CHRM3: variants seen among roughly 807,000 people sequenced by gnomAD.
The protein encoded by CHRM3 is cholinergic receptor muscarinic 3, also known as muscarinic acetylcholine receptor M3.
CHRM3 carries 11 observed loss-of-function variants against 41.8 expected under a neutral mutation model. The ratio of observed to expected loss-of-function variants is 0.26; its 90% confidence interval spans 0.17 to 0.44. The LOEUF (loss-of-function observed/expected upper bound fraction) is 0.44. Ranked by LOEUF, CHRM3 falls within the 20% of genes least tolerant of loss-of-function variation. The probability of loss-of-function intolerance (pLI) is 1.00; values close to 1 mark genes in which losing one functional copy is unlikely to be tolerated. For synonymous variants in CHRM3, 297 were observed against 301.4 expected (o/e 0.99, Z 0.15); for missense variants, 571 against 745.4 (o/e 0.77, Z 2.72).
intron 4 of CHRM3, among the ~76,000 whole-genome samples, chr1:239,643,764 C>T (rs981648713): frequency 2.2e-4 from 34 of 152,188 alleles, no homozygotes; most frequent in African/African-American, 7.7e-4. Flanking sequence ...ATGCACGGTG[C>T]GCTGCACCCA....
At chr1:239,608,532 T>C (rs955863190) in intron 3 of CHRM3, among the ~76,000 whole-genome samples, 2 of 152,208 alleles carry the variant, frequency 1.3e-5, no homozygotes, top group African/African-American at 2.4e-5. Flanking sequence ...ATGAGTACTT[T>C]TACATAGAAG....
intron 4 of CHRM3, among the ~76,000 whole-genome samples, chr1:239,662,693 T>C (rs984508090): frequency 1.3e-5 from 2 of 152,120 alleles, no homozygotes; most frequent in Admixed American, 6.5e-5. Context: ...TTTTCTGCAA[T>C]GGATATTAAT....
chr1:239,443,458 T>C (rs1167928669), intron 1 of CHRM3, among the ~76,000 whole-genome samples: 1 of 152,148 alleles, frequency 6.6e-6, no homozygotes, highest in Admixed American at 6.5e-5. Context: ...AAAAAAAACT[T>C]CCAGTAACCT....
At chr1:239,871,789 C>A (rs909893721) in intron 6 of CHRM3, among the ~76,000 whole-genome samples, 1 of 152,248 alleles carries the variant, frequency 6.6e-6, no homozygotes, top group African/African-American at 2.4e-5. Flanking sequence ...TGATAAAAAT[C>A]TCTTAACCTG....
At chr1:239,631,778 C>T (rs956083457) in intron 3 of CHRM3, among the ~76,000 whole-genome samples, 2 of 152,098 alleles carry the variant, frequency 1.3e-5, no homozygotes, top group African/African-American at 4.8e-5. Flanking sequence ...GTGTATATTT[C>T]GAATAGTGTC....
At chr1:239,745,897 T>G (rs552743588) in intron 5 of CHRM3, among the ~76,000 whole-genome samples, 78 of 152,306 alleles carry the variant, frequency 5.1e-4, no homozygotes, top group African/African-American at 1.8e-3. Context: ...TTGACAACTT[T>G]CCTTCTAAAA....
At chr1:239,629,257 C>T (rs1669478521) in intron 3 of CHRM3, 1 of 133,956 alleles carries the variant, frequency 7.5e-6, no homozygotes, top group African/African-American at 2.9e-5. Context: ...TGGGAGTGAC[C>T]CGATTTTCCA....
At chr1:239,567,323 A>T (rs1009178152) in intron 3 of CHRM3, among the ~76,000 whole-genome samples, 1 of 151,058 alleles carries the variant, frequency 6.6e-6, no homozygotes. Flanking sequence ...AAAAAAGCAC[A>T]AATCCAAACA....
At chr1:239,760,380 GA>G (rs111837294) in intron 5 of CHRM3, among the ~76,000 whole-genome samples, 8 of 150,348 alleles carry the variant, frequency 5.3e-5, no homozygotes, top group South Asian at 2.1e-4. Context: ...TACTTTGCCT[GA>G]AAAAAAAATA....
At chr1:239,591,287 C>T (rs974789097) in intron 3 of CHRM3, among the ~76,000 whole-genome samples, 1 of 152,122 alleles carries the variant, frequency 6.6e-6, no homozygotes, top group Non-Finnish European at 1.5e-5. Context: ...GCTTCCATTA[C>T]TAGTGTTGGT....
At chr1:239,679,710 T>C (rs557522009) in intron 5 of CHRM3, among the ~76,000 whole-genome samples, 1 of 152,224 alleles carries the variant, frequency 6.6e-6, no homozygotes, top group African/African-American at 2.4e-5. Flanking sequence ...TCCACCTTAG[T>C]TCGTTTATTT....
chr1:239,478,860 C>T (rs1404010807), intron 1 of CHRM3, among the ~76,000 whole-genome samples: 2 of 152,196 alleles, frequency 1.3e-5, no homozygotes, highest in East Asian at 3.9e-4. Context: ...ATTTGAATAA[C>T]TGATGGCCTA....
At chr1:239,709,555 A>G (rs989281789) in intron 5 of CHRM3, among the ~76,000 whole-genome samples, 4 of 152,286 alleles carry the variant, frequency 2.6e-5, no homozygotes, top group Non-Finnish European at 5.9e-5. Flanking sequence ...CCTGTGTGGC[A>G]GGGGTTCCAT....
intron 3 of CHRM3, among the ~76,000 whole-genome samples, chr1:239,614,554 T>C (rs1667421011): frequency 6.6e-6 from 1 of 152,208 alleles, no homozygotes; most frequent in Non-Finnish European, 1.5e-5. Flanking sequence ...ATGTGTATGA[T>C]GTGGATAATG....
chr1:239,769,961 T>C lies in CHRM3; in HGVS notation c.-146-57291T>C, dbSNP rs116258064. ...TCACATTCTTTTTAGCTAAAGTCTGTTACTGGGGCACCTCCCACTTAAAAA... is the reference window on the plus strand; with the variant it reads ...TCACATTCTTTTTAGCTAAAGTCTGCTACTGGGGCACCTCCCACTTAAAAA... On this transcript the variant is annotated intron_variant, in intron 5 of 6. Coordinates refer to ENST00000676153, the MANE Select transcript of CHRM3 (RefSeq NM_001375978.1). Among the ~76,000 whole-genome samples, 1,324 of 152,250 alleles carry C rather than the reference T, an allele frequency of 8.7e-3. 14 individuals carry two copies. Among genetic ancestry groups the C allele is most frequent in the African/African-American group, 0.03 (1,258 of 41,550 alleles).
intron 5 of CHRM3, among the ~76,000 whole-genome samples, chr1:239,809,284 T>C (rs529139280): frequency 3.3e-5 from 5 of 152,096 alleles, no homozygotes; most frequent in Non-Finnish European, 7.4e-5. Context: ...CCTCCCAAAG[T>C]GCTGGGATTA....
chr1:239,391,824 A>C (rs1659060375), intron 1 of CHRM3, among the ~76,000 whole-genome samples: 1 of 152,210 alleles, frequency 6.6e-6, no homozygotes. Context: ...TTTGATAAAC[A>C]GTAGCTGGCA....
chr1:239,567,813 G>A (rs1193032950), intron 3 of CHRM3, among the ~76,000 whole-genome samples: 1 of 152,186 alleles, frequency 6.6e-6, no homozygotes, highest in Admixed American at 6.5e-5. Context: ...GTTGAAGACT[G>A]AGACCTGGCT....
chr1:239,640,579 G>A (rs550579863), intron 4 of CHRM3, among the ~76,000 whole-genome samples: 1 of 151,722 alleles, frequency 6.6e-6, no homozygotes, highest in African/African-American at 2.4e-5. Context: ...TTCTCTGATG[G>A]TAGTTTGTAT....
Sources: gnomAD v4.1 joint callset for allele counts (sites outside exome capture counted in the v4.1 genomes callset) on GRCh38, gnomAD v4.1.1 for gene constraint, MANE v1.5 for transcripts, NCBI Gene and HGNC (gene_info 2026-07-23, HGNC 2026-07-21) for gene names.